The following HEATR5A variants were observed in gnomAD, a reference collection of about 807,000 sequenced individuals.
HEATR5A encodes the protein HEAT repeat-containing protein 5A.
HEATR5A carries 178 observed loss-of-function variants against 218.8 expected under a neutral mutation model. The ratio of observed to expected loss-of-function variants is 0.81; its 90% CI spans 0.72 to 0.92. The LOEUF is 0.92. Among genes scored for constraint, HEATR5A ranks in the 40% least tolerant of loss-of-function variants. The pLI, the probability that HEATR5A is intolerant of heterozygous loss-of-function variation, is 0.00. For synonymous variants in HEATR5A, 864 were observed against 871.6 expected (o/e 0.99, Z 0.15); for missense variants, 2,420 against 2,418.9 (o/e 1.00, Z -0.01).
At chr14:31,359,616 A>G (rs1276068387) in intron 14 of HEATR5A, among the ~76,000 whole-genome samples, 3 of 150,748 alleles carry the variant, frequency 2.0e-5, no homozygotes, top group Non-Finnish European at 4.4e-5. Context: ...AACCCCAGCT[A>G]CTCAGAGACT....
chr14:31,406,776 G>A (rs2031075853), intron 1 of HEATR5A, among the ~76,000 whole-genome samples: 1 of 151,412 alleles, frequency 6.6e-6, no homozygotes, highest in Non-Finnish European at 1.5e-5. Flanking sequence ...TGGCCAACAT[G>A]GTGAAACCCT....
chr14:31,367,605 G>A (rs1447288402), intron 13 of HEATR5A, among the ~76,000 whole-genome samples: 3 of 96,322 alleles, frequency 3.1e-5, no homozygotes, highest in Non-Finnish European at 5.7e-5. Context: ...TTTTAGTACA[G>A]ACGGGGTCTC....
chr14:31,311,266 C>A (rs1190547519), intron 28 of HEATR5A, among the ~76,000 whole-genome samples: 1 of 152,200 alleles, frequency 6.6e-6, no homozygotes, highest in Admixed American at 6.5e-5. Context: ...CCTATTTCCA[C>A]ACACACAAAA....
intron 10 of HEATR5A, among the ~76,000 whole-genome samples, chr14:31,382,462 G>A (rs2030032592): frequency 1.3e-5 from 2 of 152,036 alleles, no homozygotes; most frequent in Non-Finnish European, 2.9e-5. Flanking sequence ...ATATATTTAC[G>A]AGTTTGTGAG....
rs536475982 is a variant in HEATR5A at position 31,412,928 on chromosome 14, T to C, written c.-75+7544A>G. Among the ~76,000 whole-genome samples, 3 of 152,304 alleles carry C rather than the reference T, an allele frequency of 2.0e-5. No homozygotes were observed. In the South Asian group the frequency reaches 6.2e-4, roughly 32 times the overall value. On this transcript the variant is annotated intron_variant, in intron 1 of 35. Transcript: ENST00000543095. ...TAAGTAACTTTCACATATACATCCTTTACAAACTAAAAATGCTTGTTGTAC... is the reference window on the plus strand; with the variant it reads ...TAAGTAACTTTCACATATACATCCTCTACAAACTAAAAATGCTTGTTGTAC...
At position 31,321,540 on chromosome 14, in the gene HEATR5A, C is replaced by G; in HGVS notation, c.3928G>C (p.Glu1310Gln). The G allele has an allele frequency of 6.2e-7, 1 of 1,604,398 alleles. No homozygotes were observed. The highest frequency in any genetic ancestry group is 8.5e-7 in the Non-Finnish European group (1 of 1,175,340). ...IRRFATVPEP[E>Q]FPGHVILEQY... ...TCCAGAATCACATGACCTGGAAACT[C>G]TGGTTCTGGAACAGTTGCAAATCGC... Residue 1310 changes from glutamate to glutamine, a missense_variant, in exon 25 of 36, where the codon GAG (glutamate) becomes CAG (glutamine). By Grantham distance (29) the Glu-to-Gln change is conservative. Coordinates refer to ENST00000543095, the MANE Select transcript of HEATR5A (RefSeq NM_015473.4).
chr14:31,362,445 A>G (rs1372807708), intron 14 of HEATR5A, among the ~76,000 whole-genome samples: 2 of 151,642 alleles, frequency 1.3e-5, no homozygotes, highest in Non-Finnish European at 2.9e-5. Flanking sequence ...TTTTCCTCTA[A>G]TTCAAGTTTT....
chr14:31,408,558 T>C (rs187424424), intron 1 of HEATR5A, among the ~76,000 whole-genome samples: 1 of 152,174 alleles, frequency 6.6e-6, no homozygotes, highest in East Asian at 1.9e-4. Flanking sequence ...AGTTGAACTA[T>C]ATGAAACTGC....
At chr14:31,372,589 G>A (rs1277773782) in intron 12 of HEATR5A, among the ~76,000 whole-genome samples, 1 of 152,188 alleles carries the variant, frequency 6.6e-6, no homozygotes, top group African/African-American at 2.4e-5. Flanking sequence ...AGCACTTTGG[G>A]AGGCTGAGGA....
chr14:31,389,336 G>C (rs1566779266), intron 6 of HEATR5A, among the ~76,000 whole-genome samples: 1 of 152,156 alleles, frequency 6.6e-6, no homozygotes, highest in South Asian at 2.1e-4. Flanking sequence ...CTCCACAAAT[G>C]AAAATGCTAT....
intron 31 of HEATR5A, among the ~76,000 whole-genome samples, chr14:31,305,408 A>T (rs898135085): frequency 6.6e-6 from 1 of 152,142 alleles, no homozygotes; most frequent in African/African-American, 2.4e-5. Context: ...GATTATAGGC[A>T]TGCACCATCA....
At chr14:31,342,985 T>C (rs1900886922) in intron 21 of HEATR5A, among the ~76,000 whole-genome samples, 2 of 152,294 alleles carry the variant, frequency 1.3e-5, no homozygotes, top group African/African-American at 2.4e-5. Flanking sequence ...CTACGAATAC[T>C]GCAGGAGTAG....
At chr14:31,371,274 C>A (rs1410898087) in intron 13 of HEATR5A, among the ~76,000 whole-genome samples, 2 of 152,110 alleles carry the variant, frequency 1.3e-5, no homozygotes, top group Admixed American at 1.3e-4. Flanking sequence ...CACAAGTGCA[C>A]ATTTTATTAT....
chr14:31,399,688 G>T (rs1384599990), intron 3 of HEATR5A, among the ~76,000 whole-genome samples: 1 of 152,134 alleles, frequency 6.6e-6, no homozygotes. Context: ...AAATTAGCTC[G>T]AAGTGGTGCC....
At chr14:31,325,850 G>A in intron 23 of HEATR5A, 1 of 284,332 alleles carries the variant, frequency 3.5e-6, no homozygotes, top group Non-Finnish European at 6.6e-6. Context: ...AAGAAATGAT[G>A]GGAACAATAT....
At chr14:31,331,498 C>A (rs556658256) in intron 22 of HEATR5A, among the ~76,000 whole-genome samples, 36 of 152,302 alleles carry the variant, frequency 2.4e-4, no homozygotes, top group African/African-American at 8.2e-4. Flanking sequence ...TTTGCCACAT[C>A]TTCCTGTCTT....
At chr14:31,360,346 T>TA (rs747539603) in intron 14 of HEATR5A, among the ~76,000 whole-genome samples, 1 of 152,182 alleles carries the variant, frequency 6.6e-6, no homozygotes, top group East Asian at 1.9e-4. Context: ...TCTGTACTTT[T>TA]TAAAAAAAAT....
intron 13 of HEATR5A, among the ~76,000 whole-genome samples, chr14:31,370,213 G>A (rs1324152242): frequency 5.3e-5 from 8 of 149,824 alleles, no homozygotes; most frequent in African/African-American, 9.9e-5. Context: ...GTGACAGAGC[G>A]AGACTACGTC....
At chr14:31,297,882 C>T (rs72642558) in intron 33 of HEATR5A, among the ~76,000 whole-genome samples, 8,202 of 152,232 alleles carry the variant, frequency 0.054, 360 homozygotes, top group East Asian at 0.16. Context: ...GTACTGTTAA[C>T]TATAATGCTA....
Sources: gnomAD v4.1 joint callset for allele counts (sites outside exome capture counted in the v4.1 genomes callset) on GRCh38, gnomAD v4.1.1 for gene constraint, MANE v1.5 for transcripts, NCBI Gene and HGNC (gene_info 2026-07-23, HGNC 2026-07-21) for gene names.